Variants in GRK2 observed in about 807,000 individuals in gnomAD.
The protein encoded by GRK2 is G protein-coupled receptor kinase 2.
A neutral mutation model predicts 97.8 loss-of-function variants in GRK2; 23 were observed. The observed-to-expected ratio is 0.24, with a 90% CI of 0.17 to 0.33. The LOEUF (loss-of-function observed/expected upper bound fraction) is 0.33, where lower values mean the gene tolerates loss of function less well. Ranked by LOEUF, GRK2 falls within the 10% of genes least tolerant of loss-of-function variation. The pLI is 1.00. For synonymous variants in GRK2, 425 were observed against 381.7 expected, an observed-to-expected ratio of 1.11 and a Z score of -1.32; for missense variants, 633 against 956.9, an observed-to-expected ratio of 0.66 and a Z score of 4.47.
chr11:67,270,589 C>T (rs1261373491), intron 1 of GRK2, among the ~76,000 whole-genome samples: 1 of 152,220 alleles, frequency 6.6e-6, no homozygotes, highest in African/African-American at 2.4e-5. Flanking sequence ...CAGCTGAAAC[C>T]CTGCTGCTTC....
At chr11:67,272,635 T>C (rs1859934594) in intron 1 of GRK2, among the ~76,000 whole-genome samples, 1 of 152,214 alleles carries the variant, frequency 6.6e-6, no homozygotes, top group Admixed American at 6.5e-5. Context: ...CCGGGAGCAG[T>C]AGGAGCTGGT....
Position 67,266,685 on chromosome 11 carries a change from A to G in GRK2, c.-15A>G. On this transcript the variant is annotated 5_prime_UTR_variant, in exon 1 of 21. Transcript: ENST00000308595. The stretch of plus-strand genomic sequence containing the variant: ...GGCGGCGGCGGCGGCGGGAGGAGGC[A>G]GCGCCGCCGCCAAGATGGCGGACCT... 1.8e-6 allele frequency: 2 copies of G among 1,110,264 alleles called. No homozygotes were observed. The highest frequency in any genetic ancestry group is 1.1e-6 in the Non-Finnish European group (1 of 895,552). The allele number at this position is 1,110,264 out of a possible 1,614,324, so 68.8% of individuals were successfully genotyped here.
Position 67,276,127 on chromosome 11 carries a change from G to T in GRK2, c.114-1145G>T, listed in dbSNP as rs1016143917. On this transcript the variant is annotated intron_variant, in intron 1 of 20. Transcript: ENST00000308595. This position sits in a 1 kb window ranked among gnomAD's most constrained non-coding sequence, Gnocchi z 4.2. ...TCCACCAGCTGCAGTCATTTCACGG[G>T]AGGCCTGCTGGTGGCCCCATAGACC... Among the ~76,000 whole-genome samples, 3 of 152,236 alleles carry T rather than the reference G, an allele frequency of 2.0e-5. No individual in the cohort carries two copies. In the South Asian group the frequency reaches 6.2e-4, roughly 31 times the overall value.
chr11:67,282,359 C>T lies in GRK2; in HGVS notation c.1046C>T (p.Ala349Val). The stretch of plus-strand genomic sequence containing the variant: ...GACTTCTCCAAGAAGAAGCCCCATG[C>T]CAGCGTGTGAGTGCCCCCCACCCTC... ...ACDFSKKKPH[A>V]SVGTHGYMAP... Residue 349 changes from alanine to valine, a missense_variant, in exon 12 of 21, where the codon GCC (alanine) becomes GTC (valine). Coordinates refer to ENST00000308595, the MANE Select transcript of GRK2 (RefSeq NM_001619.5). This position sits in a 1 kb window ranked among gnomAD's most constrained non-coding sequence, Gnocchi z 6.9. The T allele has an allele frequency of 1.2e-6, 2 of 1,613,492 alleles. No homozygotes were observed. Among genetic ancestry groups the T allele is most frequent in the Non-Finnish European group, 1.7e-6 (2 of 1,179,888 alleles).
At chr11:67,284,648 G>A (rs1360471001) in intron 18 of GRK2, 199 bp from the exon 19 acceptor site, 13 of 772,058 alleles carry the variant, frequency 1.7e-5, no homozygotes, top group Non-Finnish European at 2.4e-5. Context: ...AATTAGCCGG[G>A]CATGGTGGCA....
At chr11:67,275,346 C>T (rs1860007283) in intron 1 of GRK2, among the ~76,000 whole-genome samples, 1 of 152,240 alleles carries the variant, frequency 6.6e-6, no homozygotes, top group African/African-American at 2.4e-5. Context: ...GAGCTGCTCT[C>T]CGCAGACGGC....
At chr11:67,279,796 G>T in intron 5 of GRK2, 43 bp from the exon 6 acceptor site, 2 of 1,613,352 alleles carry the variant, frequency 1.2e-6, no homozygotes, top group African/African-American at 1.3e-5. Flanking sequence ...GGCAACCACG[G>T]TCTCTCGGGG....
intron 7 of GRK2, 32 bp downstream of exon 7, chr11:67,280,815 A>G (rs769854998): frequency 1.9e-6 from 3 of 1,611,916 alleles, no homozygotes; most frequent in Non-Finnish European, 2.5e-6. Flanking sequence ...ATGGAAAGCC[A>G]CGCACCCTGC....
Position 67,281,943 on chromosome 11 carries a change from G to C in GRK2, c.948G>C (p.Arg316=). The C allele has an allele frequency of 6.2e-7, 1 of 1,612,986 alleles. No homozygotes were observed. The highest frequency in any genetic ancestry group is 8.5e-7 in the Non-Finnish European group (1 of 1,179,864). ...TGCACAACCGCTTCGTGGTCTACCG[G>C]GACCTGAAGGTGAGCGCCCCTGCTG... is the stretch of plus-strand genomic sequence containing the variant. ...EHMHNRFVVY[R]DLKPANILLD... The change falls in exon 11 of 21, where the codon CGG becomes CGC. Residue 316 remains arginine, a synonymous_variant. Coordinates refer to ENST00000308595, the MANE Select transcript of GRK2 (RefSeq NM_001619.5). The surrounding 1 kb of genome is among the most constrained non-coding windows in gnomAD (Gnocchi z 5.7).
chr11:67,273,899 G>A (rs527273008), intron 1 of GRK2, among the ~76,000 whole-genome samples: 1 of 152,230 alleles, frequency 6.6e-6, no homozygotes, highest in South Asian at 2.1e-4. Context: ...GGCTGTCGCA[G>A]GCAGGGAACC....
Position 67,282,151 on chromosome 11 carries a change from C to A in GRK2, c.958-120C>A. On this transcript the variant is annotated intron_variant, in intron 11 of 20. Coordinates refer to ENST00000308595, the MANE Select transcript of GRK2 (RefSeq NM_001619.5). This position sits in a 1 kb window ranked among gnomAD's most constrained non-coding sequence, Gnocchi z 6.9. The stretch of plus-strand genomic sequence containing the variant: ...TGGGGACAGGAGAGAGGACCCCCAC[C>A]TTTGCCCTTTCTTTGGGTACCCATC... 8.2e-7 allele frequency: 1 copy of A among 1,226,660 alleles called. No homozygotes were observed. Among genetic ancestry groups the A allele is most frequent in the South Asian group, 1.4e-5 (1 of 73,640 alleles). 76.0% of individuals were successfully genotyped at this position (1,226,660 alleles called of 1,614,324 possible).
chr11:67,266,698 A>T lies in GRK2; in HGVS notation c.-2A>T. 8.1e-7 allele frequency: 1 copy of T among 1,236,648 alleles called. No individual in the cohort carries two copies. The allele number at this position is 1,236,648 out of a possible 1,614,324, so 76.6% of individuals were successfully genotyped here. The stretch of plus-strand genomic sequence containing the variant: ...GCGGGAGGAGGCAGCGCCGCCGCCA[A>T]GATGGCGGACCTGGAGGCGGTGCTG... On this transcript the variant is annotated 5_prime_UTR_variant, in exon 1 of 21. In the 5' UTR this introduces an upstream ATG that the reference lacks. Transcript: ENST00000308595.
chr11:67,271,881 A>C (rs1859915792), intron 1 of GRK2, among the ~76,000 whole-genome samples: 1 of 152,098 alleles, frequency 6.6e-6, no homozygotes, highest in African/African-American at 2.4e-5. Context: ...TGCTGCTGGC[A>C]CCTTGGTGTC....
In GRK2 at chr11:67,266,810, C is replaced by A. The variant is rs1446324423; in HGVS notation, c.111C>A (p.Pro37=). Reference sequence around the variant, plus strand: ...GCAAGAAGATCCTGCTGCCCGAGCCCAGGTGAGGAGAAGCTGCCCGCGGCC... The same window carrying A: ...GCAAGAAGATCCTGCTGCCCGAGCCAAGGTGAGGAGAAGCTGCCCGCGGCC... ...RASKKILLPE[P]SIRSVMQKYL... Residue 37 remains proline (P), a splice_region_variant and synonymous_variant, in exon 1 of 21, where the codon CCC becomes CCA. Transcript: ENST00000308595. 1 of 1,294,628 alleles carries A rather than the reference C, an allele frequency of 7.7e-7. No individual in the cohort carries two copies. The highest frequency in any genetic ancestry group is 2.2e-5 in the South Asian group (1 of 44,556). 80.2% of individuals were successfully genotyped at this position (1,294,628 alleles called of 1,614,324 possible). A position where few individuals can be genotyped will look rare whatever the true frequency, so the allele number is the denominator to read the frequency against.
intron 1 of GRK2, among the ~76,000 whole-genome samples, chr11:67,273,813 C>T (rs1859963127): frequency 6.6e-6 from 1 of 152,160 alleles, no homozygotes; most frequent in South Asian, 2.1e-4. Flanking sequence ...CCGGGTCCTG[C>T]TTCCTGCTGT....
At chr11:67,268,154 C>T (rs549534993) in intron 1 of GRK2, among the ~76,000 whole-genome samples, 3 of 152,246 alleles carry the variant, frequency 2.0e-5, no homozygotes, top group East Asian at 3.9e-4. Flanking sequence ...ATGTGGATGG[C>T]GTGAAATAAG....
intron 6 of GRK2, 122 bp from the exon 7 acceptor site, chr11:67,280,610 G>C: frequency 2.7e-6 from 3 of 1,108,396 alleles, no homozygotes; most frequent in Non-Finnish European, 4.1e-6. Context: ...ATTAACGCTC[G>C]TGATGTTTCC....
chr11:67,271,180 C>T (rs998828667), intron 1 of GRK2, among the ~76,000 whole-genome samples: 2 of 152,198 alleles, frequency 1.3e-5, no homozygotes, highest in African/African-American at 4.8e-5. Context: ...TTCCTGGGCC[C>T]CTTCCCTACT....
At chr11:67,280,584 C>G (rs1860126664) in intron 6 of GRK2, 148 bp from the exon 7 acceptor site, 1 of 936,522 alleles carries the variant, frequency 1.1e-6, no homozygotes, top group Non-Finnish European at 1.7e-6. Context: ...TCAACATATC[C>G]TTCCTGGAAG....
Sources: gnomAD v4.1 joint callset for allele counts (sites outside exome capture counted in the v4.1 genomes callset) on GRCh38, gnomAD v4.1.1 for gene constraint, Gnocchi (gnomAD v3.1) non-coding constraint, MANE v1.5 for transcripts, NCBI Gene and HGNC (gene_info 2026-07-23, HGNC 2026-07-21) for gene names.